The following PARN variants were observed in gnomAD, a reference collection of about 807,000 sequenced individuals.
PARN encodes poly(A)-specific ribonuclease PARN.
PARN carries 71 observed loss-of-function variants against 102.8 expected under a neutral mutation model. The ratio of observed to expected loss-of-function variants is 0.69; its 90% confidence interval spans 0.57 to 0.84. The LOEUF is 0.84. Among genes scored for constraint, PARN ranks in the 40% least tolerant of loss-of-function variants. The pLI is 0.00. For synonymous variants in PARN, 261 were observed against 252.9 expected (o/e 1.03, Z -0.30); for missense variants, 782 against 760.9 (o/e 1.03, Z -0.33).
intron 19 of PARN, 129 bp from the exon 20 acceptor site, chr16:14,554,280 C>G: frequency 1.6e-6 from 1 of 630,986 alleles, no homozygotes; most frequent in South Asian, 2.0e-5. Context: ...TACCAAACAA[C>G]TCCTAAAAGT....
intron 23 of PARN, among the ~76,000 whole-genome samples, chr16:14,442,977 T>C (rs1236712474): frequency 1.3e-5 from 2 of 152,246 alleles, no homozygotes; most frequent in Non-Finnish European, 1.5e-5. Flanking sequence ...ACCTTTGTAA[T>C]GAATCCTTCA....
intron 3 of PARN, among the ~76,000 whole-genome samples, chr16:14,627,970 T>C (rs1972782343): frequency 6.6e-6 from 1 of 152,052 alleles, no homozygotes; most frequent in Non-Finnish European, 1.5e-5. Context: ...ATCACGCCAC[T>C]GCACCCCAGC....
chr16:14,487,180 C>G (rs1342809287), intron 21 of PARN, among the ~76,000 whole-genome samples: 1 of 152,216 alleles, frequency 6.6e-6, no homozygotes, highest in South Asian at 2.1e-4. Context: ...TTCTAGTCAC[C>G]ACACAAATAA....
chr16:14,513,288 T>C (rs1226399978), intron 21 of PARN, among the ~76,000 whole-genome samples: 2 of 152,208 alleles, frequency 1.3e-5, no homozygotes, highest in East Asian at 1.9e-4. Context: ...ATTAACGTAA[T>C]ATAAACTGCT....
At chr16:14,452,574 A>G (rs1434881752) in intron 22 of PARN, among the ~76,000 whole-genome samples, 2 of 152,110 alleles carry the variant, frequency 1.3e-5, no homozygotes, top group Non-Finnish European at 2.9e-5. Context: ...TGACCTCAGG[A>G]GATCTGCCTG....
At chr16:14,499,683 G>C (rs760703459) in intron 21 of PARN, among the ~76,000 whole-genome samples, 2 of 152,122 alleles carry the variant, frequency 1.3e-5, no homozygotes, top group African/African-American at 2.4e-5. Context: ...CAACTGGTTA[G>C]ATAAAAAAGT....
intron 22 of PARN, among the ~76,000 whole-genome samples, chr16:14,464,948 A>G (rs1047213482): frequency 1.3e-5 from 2 of 152,218 alleles, no homozygotes; most frequent in African/African-American, 2.4e-5. Context: ...GGTCTTTGCC[A>G]TAAGACATGG....
At chr16:14,514,600 T>C (rs191072461) in intron 21 of PARN, among the ~76,000 whole-genome samples, 1 of 152,324 alleles carries the variant, frequency 6.6e-6, no homozygotes, top group Non-Finnish European at 1.5e-5. Flanking sequence ...GAAAGATATT[T>C]CCTCAGAAAT....
intron 21 of PARN, among the ~76,000 whole-genome samples, chr16:14,511,124 T>C (rs912554838): frequency 2.0e-5 from 3 of 152,220 alleles, no homozygotes; most frequent in Admixed American, 6.5e-5. Context: ...TTCCTTTAAA[T>C]TATACATTAG....
At chr16:14,492,991 G>A (rs1226936107) in intron 21 of PARN, among the ~76,000 whole-genome samples, 1 of 152,090 alleles carries the variant, frequency 6.6e-6, no homozygotes, top group Non-Finnish European at 1.5e-5. Context: ...GGTTACTGCT[G>A]TTAAATCACA....
intron 18 of PARN, among the ~76,000 whole-genome samples, chr16:14,579,779 AAGCCTATTC>A (rs1266752942): frequency 1.3e-5 from 2 of 152,078 alleles, no homozygotes; most frequent in Non-Finnish European, 2.9e-5. Flanking sequence ...AGTTCGAGAG[AAGCCTATTC>A]AGCATGGTGA....
chr16:14,460,952 A>G (rs1241253581), intron 22 of PARN, among the ~76,000 whole-genome samples: 2 of 152,182 alleles, frequency 1.3e-5, no homozygotes, highest in Non-Finnish European at 2.9e-5. Flanking sequence ...TCTGGCAAAC[A>G]CCACCTCAAC....
At chr16:14,554,978 G>A (rs909037742) in intron 19 of PARN, among the ~76,000 whole-genome samples, 3 of 152,102 alleles carry the variant, frequency 2.0e-5, no homozygotes, top group African/African-American at 7.2e-5. Flanking sequence ...AACCACTCTG[G>A]ACTATAAACT....
At chr16:14,563,158 T>C (rs922672120) in intron 18 of PARN, among the ~76,000 whole-genome samples, 1 of 152,306 alleles carries the variant, frequency 6.6e-6, no homozygotes, top group African/African-American at 2.4e-5. Context: ...CATTACCAAA[T>C]CTATCTACAA....
chr16:14,530,699 C>T (rs144471775), intron 21 of PARN, among the ~76,000 whole-genome samples: 78 of 152,244 alleles, frequency 5.1e-4, no homozygotes, highest in African/African-American at 1.6e-3. Flanking sequence ...CTTCCGCCTT[C>T]GTTCATCACT....
At chr16:14,477,439 C>CA (rs796238081) in intron 22 of PARN, among the ~76,000 whole-genome samples, 11,863 of 102,320 alleles carry the variant, frequency 0.12, 799 homozygotes, top group African/African-American at 0.25. Flanking sequence ...GAGTTCGTCT[C>CA]AAAAAAAAAA....
intron 21 of PARN, among the ~76,000 whole-genome samples, chr16:14,499,484 G>T (rs1437304881): frequency 6.6e-6 from 1 of 152,092 alleles, no homozygotes; most frequent in East Asian, 1.9e-4. Flanking sequence ...CACCACTCCT[G>T]GACATTAAAA....
At chr16:14,441,709 C>T (rs1391582146) in intron 23 of PARN, among the ~76,000 whole-genome samples, 2 of 152,360 alleles carry the variant, frequency 1.3e-5, no homozygotes, top group South Asian at 2.1e-4. Flanking sequence ...ACACCTCCTT[C>T]GCCACGTTCA....
chr16:14,466,209 G>A (rs1238783121), intron 22 of PARN, among the ~76,000 whole-genome samples: 1 of 152,156 alleles, frequency 6.6e-6, no homozygotes, highest in African/African-American at 2.4e-5. Context: ...AATATCAAAA[G>A]AAAGAATTGA....
Sources: gnomAD v4.1 joint callset for allele counts (sites outside exome capture counted in the v4.1 genomes callset) on GRCh38, gnomAD v4.1.1 for gene constraint, MANE v1.5 for transcripts, NCBI Gene and HGNC (gene_info 2026-07-23, HGNC 2026-07-21) for gene names.